Variants in CD247 observed in about 807,000 individuals in gnomAD.
The protein encoded by CD247 is CD247 molecule.
CD247 carries 13 observed loss-of-function variants against 30.0 expected under a neutral mutation model. The ratio of observed to expected loss-of-function variants is 0.43; its 90% CI spans 0.28 to 0.69. CD247 has a LOEUF of 0.69. Among genes scored for constraint, CD247 ranks in the 30% least tolerant of loss-of-function variants. CD247 has a pLI of 0.16. For missense variants in CD247, 193 were observed against 212.6 expected (o/e 0.91, Z 0.57); for synonymous variants, 72 against 80.0 (o/e 0.90, Z 0.53).
At chr1:167,500,507 T>C (rs1372564776) in intron 1 of CD247, among the ~76,000 whole-genome samples, 1 of 152,242 alleles carries the variant, frequency 6.6e-6, no homozygotes, top group Non-Finnish European at 1.5e-5. Flanking sequence ...TGTACACATA[T>C]GTGTTGTTTA....
At chr1:167,496,001 C>T (rs965420062) in intron 1 of CD247, among the ~76,000 whole-genome samples, 4 of 152,138 alleles carry the variant, frequency 2.6e-5, no homozygotes, top group African/African-American at 4.8e-5. Context: ...TGCCTGTCTC[C>T]GTCTTTAATT....
chr1:167,438,539 G>A (rs1651657238), intron 4 of CD247, 31 bp downstream of exon 4: 2 of 1,563,450 alleles, frequency 1.3e-6, no homozygotes, highest in African/African-American at 2.7e-5. Context: ...CACACATGCA[G>A]GAACACACAG....
At position 167,432,399 on chromosome 1, in the gene CD247, A is replaced by G. The variant is rs372259735; in HGVS notation, c.429+625T>C. Among the ~76,000 whole-genome samples, 5 of 152,318 alleles carry G rather than the reference A, an allele frequency of 3.3e-5. No individual in the cohort carries two copies. The East Asian group carries it at 7.7e-4, about 24-fold the overall frequency. On this transcript the variant is annotated intron_variant, in intron 7 of 7. Coordinates refer to ENST00000362089, the MANE Select transcript of CD247 (RefSeq NM_198053.3). Reference sequence around the variant, plus strand: ...GGGCCCTTTTGATATCACTCAACTCAGGCAAGCTGGGCATCCTGACACTAG... The same window carrying G: ...GGGCCCTTTTGATATCACTCAACTCGGGCAAGCTGGGCATCCTGACACTAG...
At chr1:167,509,142 G>A (rs936153411) in intron 1 of CD247, among the ~76,000 whole-genome samples, 3 of 152,138 alleles carry the variant, frequency 2.0e-5, no homozygotes, top group Admixed American at 1.3e-4. Flanking sequence ...CGAGGCAGGT[G>A]GATCACTTGA....
intron 1 of CD247, among the ~76,000 whole-genome samples, chr1:167,445,494 T>A (rs1482586194): frequency 1.3e-5 from 2 of 151,994 alleles, no homozygotes; most frequent in African/African-American, 4.8e-5. Context: ...GTTGTGAGTC[T>A]AATTAGTGAC....
intron 1 of CD247, among the ~76,000 whole-genome samples, chr1:167,462,075 G>A (rs2102032123): frequency 6.6e-6 from 1 of 152,298 alleles, no homozygotes; most frequent in East Asian, 1.9e-4. Flanking sequence ...TGAATATTTA[G>A]CATGGTGTAA....
intron 1 of CD247, among the ~76,000 whole-genome samples, chr1:167,484,271 C>T (rs1227630582): frequency 6.6e-6 from 1 of 152,238 alleles, no homozygotes; most frequent in Admixed American, 6.5e-5. Context: ...CCCTGCCCAT[C>T]TTCCTTCCCT....
intron 1 of CD247, among the ~76,000 whole-genome samples, chr1:167,491,200 C>T (rs537720347): frequency 3.3e-5 from 5 of 152,222 alleles, no homozygotes; most frequent in Admixed American, 6.5e-5. Flanking sequence ...GAAGGAATGC[C>T]GTGCACTGTG....
intron 1 of CD247, among the ~76,000 whole-genome samples, chr1:167,480,065 T>C (rs1653914653): frequency 6.6e-6 from 1 of 152,206 alleles, no homozygotes; most frequent in Non-Finnish European, 1.5e-5. Flanking sequence ...TATGGTCTGA[T>C]GCCCCGTTCC....
intron 1 of CD247, among the ~76,000 whole-genome samples, chr1:167,443,328 T>C (rs566771382): frequency 4.6e-5 from 7 of 152,066 alleles, no homozygotes; most frequent in Non-Finnish European, 1.0e-4. Context: ...TGAACTTCAG[T>C]GATGAGGAAG....
chr1:167,433,046 T>G lies in CD247; in HGVS notation c.407A>C (p.Lys136Thr), dbSNP rs1489519512. The G allele has an allele frequency of 2.5e-6, 4 of 1,614,106 alleles. No individual in the cohort carries two copies. The highest frequency in any genetic ancestry group is 2.7e-5 in the African/African-American group (2 of 74,946). The change falls in exon 7 of 8, where the codon AAG (lysine) becomes ACG (threonine). Residue 136 changes from lysine (K) to threonine (T), a missense_variant. Physicochemically the swap from Lys to Thr is moderately conservative, Grantham distance 78. Coordinates refer to ENST00000362089, the MANE Select transcript of CD247 (RefSeq NM_198053.3). ...IGMKGERRRGKGHDGLYQGLS... is the reference protein window; with the variant it reads ...IGMKGERRRGTGHDGLYQGLS... Reference sequence around the variant, plus strand: ...TACCTGGTAAAGGCCATCGTGCCCCTTGCCCCTCCGGCGCTGGTTGTTTGG... The same window carrying G: ...TACCTGGTAAAGGCCATCGTGCCCCGTGCCCCTCCGGCGCTGGTTGTTTGG...
At chr1:167,478,833 T>G (rs903181287) in intron 1 of CD247, among the ~76,000 whole-genome samples, 6 of 152,214 alleles carry the variant, frequency 3.9e-5, no homozygotes, top group African/African-American at 1.4e-4. Context: ...TCAAATTGTA[T>G]ATGGTGTAAT....
chr1:167,444,261 G>C (rs767507991), intron 1 of CD247, among the ~76,000 whole-genome samples: 3 of 152,174 alleles, frequency 2.0e-5, no homozygotes, highest in Non-Finnish European at 4.4e-5. Flanking sequence ...CAAGGTGTAG[G>C]AGCTTCCCTG....
chr1:167,477,145 G>T (rs1024496165), intron 1 of CD247, among the ~76,000 whole-genome samples: 2 of 152,130 alleles, frequency 1.3e-5, no homozygotes, highest in Non-Finnish European at 2.9e-5. Flanking sequence ...ACTCTGAGAG[G>T]GGTGACAAAT....
At chr1:167,472,044 G>A (rs913323999) in intron 1 of CD247, among the ~76,000 whole-genome samples, 7 of 151,874 alleles carry the variant, frequency 4.6e-5, no homozygotes, top group African/African-American at 1.5e-4. Context: ...AAGTTGGCCA[G>A]GCTGGTCTCA....
chr1:167,452,203 C>T (rs188300143), intron 1 of CD247, among the ~76,000 whole-genome samples: 3 of 152,206 alleles, frequency 2.0e-5, no homozygotes, highest in Admixed American at 1.3e-4. Flanking sequence ...CCAGCCTGGG[C>T]AACAAGAGCG....
At chr1:167,452,979 A>T (rs1454676341) in intron 1 of CD247, among the ~76,000 whole-genome samples, 1 of 129,732 alleles carries the variant, frequency 7.7e-6, no homozygotes, top group Admixed American at 8.4e-5. Flanking sequence ...ATATACATAG[A>T]GAGCAATATG....
chr1:167,495,643 A>G (rs1219866843), intron 1 of CD247, among the ~76,000 whole-genome samples: 1 of 152,126 alleles, frequency 6.6e-6, no homozygotes, highest in African/African-American at 2.4e-5. Context: ...ATGTCCTTCA[A>G]GCTTGTTTGC....
Position 167,494,164 on chromosome 1 carries a change from A to G in CD247, c.58+24244T>C, listed in dbSNP as rs1654579996. 6.6e-6 allele frequency among the ~76,000 whole-genome samples: 1 copy of G among 152,096 alleles called. No individual in the cohort carries two copies. On this transcript the variant is annotated intron_variant, in intron 1 of 7. Coordinates refer to ENST00000362089, the MANE Select transcript of CD247 (RefSeq NM_198053.3). This position sits in a 1 kb window ranked among gnomAD's most constrained non-coding sequence, Gnocchi z 7.3. ...AGAACTGAGTCAGGAGACACTTTAGACGATGGAGGGTTGGGGGATGGAGGT... is the reference window on the plus strand; with the variant it reads ...AGAACTGAGTCAGGAGACACTTTAGGCGATGGAGGGTTGGGGGATGGAGGT...
Sources: gnomAD v4.1 joint callset for allele counts (sites outside exome capture counted in the v4.1 genomes callset) on GRCh38, gnomAD v4.1.1 for gene constraint, Gnocchi (gnomAD v3.1) non-coding constraint, MANE v1.5 for transcripts, NCBI Gene and HGNC (gene_info 2026-07-23, HGNC 2026-07-21) for gene names.